The following PTK2 variants were observed in gnomAD, a reference collection of about 807,000 sequenced individuals.
The protein encoded by PTK2 is protein tyrosine kinase 2, also known as focal adhesion kinase 1.
Under a neutral mutation model 150.1 loss-of-function variants are expected in PTK2, and 45 were observed. That is an observed-to-expected ratio of 0.30 (90% CI 0.24 to 0.38). PTK2 has a LOEUF of 0.38. Among genes scored for constraint, PTK2 ranks in the 10% least tolerant of loss-of-function variants. The probability of loss-of-function intolerance (pLI) is 1.00; values close to 1 mark genes in which losing one functional copy is unlikely to be tolerated. For synonymous variants in PTK2, 432 were observed against 449.2 expected (o/e 0.96, Z 0.48); for missense variants, 919 against 1,307.3 (o/e 0.70, Z 4.58).
chr8:140,801,910 T>C (rs2100095276), intron 11 of PTK2, among the ~76,000 whole-genome samples: 1 of 152,106 alleles, frequency 6.6e-6, no homozygotes, highest in Non-Finnish European at 1.5e-5. Context: ...CATCCTGAAG[T>C]TGTAATGCTC....
chr8:140,672,227 C>T, intron 29 of PTK2: 1 of 430,558 alleles, frequency 2.3e-6, no homozygotes, highest in South Asian at 1.7e-5. Context: ...TGGGGTCTCA[C>T]TATGTTGCGC....
At chr8:140,871,226 A>T (rs139178803) in intron 4 of PTK2, among the ~76,000 whole-genome samples, 17 of 152,358 alleles carry the variant, frequency 1.1e-4, no homozygotes, top group Middle Eastern at 3.4e-3. Context: ...CTAACATTTC[A>T]AAATTTCTCC....
intron 1 of PTK2, among the ~76,000 whole-genome samples, chr8:140,953,809 G>A (rs1048585909): frequency 4.0e-5 from 6 of 151,894 alleles, no homozygotes; most frequent in African/African-American, 1.5e-4. Flanking sequence ...TTTTTGAGAT[G>A]GACTCTTGCT....
chr8:140,879,321 C>T (rs1313292486), intron 4 of PTK2, 150 bp downstream of exon 4: 7 of 770,160 alleles, frequency 9.1e-6, no homozygotes, highest in East Asian at 8.9e-5. Context: ...AGAGATCATT[C>T]GTTAATAATT....
intron 7 of PTK2, among the ~76,000 whole-genome samples, chr8:140,841,968 G>C (rs2100122619): frequency 6.6e-6 from 1 of 151,510 alleles, no homozygotes; most frequent in Admixed American, 6.6e-5. Flanking sequence ...AATGTATGTA[G>C]CATTATATAC....
chr8:140,859,900 G>A (rs898689151), intron 5 of PTK2, among the ~76,000 whole-genome samples: 3 of 152,138 alleles, frequency 2.0e-5, no homozygotes, highest in Admixed American at 2.0e-4. Flanking sequence ...CTGGAATTGC[G>A]AAGCATGTAG....
intron 2 of PTK2, among the ~76,000 whole-genome samples, chr8:140,900,663 A>AGT (rs1222467548): frequency 6.6e-6 from 1 of 152,082 alleles, no homozygotes; most frequent in Non-Finnish European, 1.5e-5. Context: ...TGGGGGATGC[A>AGT]GTGAGCCGAG....
chr8:140,758,447 A>G (rs541110803), intron 16 of PTK2, among the ~76,000 whole-genome samples: 2 of 152,278 alleles, frequency 1.3e-5, no homozygotes, highest in East Asian at 3.9e-4. Context: ...AAACAGCCTC[A>G]AGCAGGGCCT....
intron 13 of PTK2, 143 bp from the exon 14 acceptor site, chr8:140,789,669 A>T: frequency 1.4e-6 from 1 of 691,178 alleles, no homozygotes; most frequent in African/African-American, 1.8e-5. Flanking sequence ...TTCTACTATT[A>T]AAATAGCCAG....
Position 140,764,506 on chromosome 8 carries a change from C to T in PTK2, c.1178-216G>A, listed in dbSNP as rs558620545. 94 of 531,442 alleles carry T rather than the reference C, an allele frequency of 1.8e-4. No individual in the cohort carries two copies. The South Asian group carries it at 2.0e-3, about 11-fold the overall frequency. The allele number at this position is 531,442 out of a possible 1,614,324, so 32.9% of individuals were successfully genotyped here. A position where few individuals can be genotyped will look rare whatever the true frequency, so the allele number is the denominator to read the frequency against. ...CGTTATAATACACAGACTTGTTTAT[C>T]GGAGAGCAAACAGGGCTAACACAGA... On this transcript the variant is annotated intron_variant, in intron 14 of 31. Coordinates refer to ENST00000522684, the Ensembl canonical transcript of PTK2.
At chr8:140,742,427 T>C (rs1565457082) in intron 20 of PTK2, among the ~76,000 whole-genome samples, 6 of 152,264 alleles carry the variant, frequency 3.9e-5, no homozygotes. Context: ...ATAACACTTG[T>C]ATGCTTAATT....
At chr8:140,910,007 T>C (rs1374446957) in intron 2 of PTK2, among the ~76,000 whole-genome samples, 1 of 152,138 alleles carries the variant, frequency 6.6e-6, no homozygotes, top group African/African-American at 2.4e-5. Context: ...AAAAAAAATA[T>C]GGGTTTTTTT....
In PTK2 at chr8:140,803,447, C is replaced by T. The variant is rs2100096453; in HGVS notation, c.975+96G>A. The T allele has an allele frequency of 1.1e-5, 10 of 917,474 alleles. 1 individual carries two copies. The Admixed American group carries it at 2.0e-4, about 19-fold the overall frequency. 56.8% of individuals were successfully genotyped at this position (917,474 alleles called of 1,614,324 possible). A position where few individuals can be genotyped will look rare whatever the true frequency, so the allele number is the denominator to read the frequency against. ...ATAAGAAAGTTGTGATTCTGATGAT[C>T]CATAAAAACTTCATCCTTTTCATAA... On this transcript the variant is annotated intron_variant, in intron 11 of 31. Transcript: ENST00000522684.
intron 1 of PTK2, among the ~76,000 whole-genome samples, chr8:140,987,507 T>C (rs1298941766): frequency 6.6e-6 from 1 of 152,186 alleles, no homozygotes; most frequent in African/African-American, 2.4e-5. Flanking sequence ...ATAAAAGATT[T>C]AAACACAGAG....
rs572417021 is a variant in PTK2, at chr8:140,865,764, G to A, written c.363-1365C>T. Among the ~76,000 whole-genome samples the A allele has an allele frequency of 2.8e-3, 433 of 152,266 alleles. 5 individuals carry two copies. Among genetic ancestry groups the A allele is most frequent in the Non-Finnish European group, 2.4e-3 (161 of 68,018 alleles). On this transcript the variant is annotated intron_variant, in intron 4 of 31. Coordinates refer to ENST00000522684, the Ensembl canonical transcript of PTK2. ...TTTCAACTTAGGATTTACCAGGCAC[G>A]TAACTACTTTATGTGAACTATTTCT...
At chr8:140,848,761 C>T (rs1037178289) in intron 5 of PTK2, among the ~76,000 whole-genome samples, 1 of 152,072 alleles carries the variant, frequency 6.6e-6, no homozygotes, top group Non-Finnish European at 1.5e-5. Flanking sequence ...AAAATAAAGG[C>T]GCAAGAATTA....
chr8:140,878,369 G>A (rs1258935045), intron 4 of PTK2, among the ~76,000 whole-genome samples: 1 of 152,184 alleles, frequency 6.6e-6, no homozygotes, highest in African/African-American at 2.4e-5. Flanking sequence ...GGAGGCCAAG[G>A]TGGGCAGACT....
chr8:140,735,624 T>C lies in PTK2; in HGVS notation c.1826-169A>G, dbSNP rs188026239. Reference sequence around the variant, plus strand: ...CTCTAGTATAAAATAACCTAACGATTTAACATGATGTAAATAATGAAATGT... The same window carrying C: ...CTCTAGTATAAAATAACCTAACGATCTAACATGATGTAAATAATGAAATGT... On this transcript the variant is annotated intron_variant, in intron 21 of 31. Transcript: ENST00000522684. Among the ~76,000 whole-genome samples, 14 of 152,264 alleles carry C rather than the reference T, an allele frequency of 9.2e-5. No homozygotes were observed. In the East Asian group the frequency reaches 2.5e-3, roughly 27 times the overall value.
At chr8:140,806,559 T>A (rs2100098290) in intron 10 of PTK2, among the ~76,000 whole-genome samples, 1 of 152,182 alleles carries the variant, frequency 6.6e-6, no homozygotes. Flanking sequence ...ATCTAGGTTA[T>A]GGAAATTATA....
Sources: allele counts gnomAD v4.1 joint callset (sites outside exome capture counted in the v4.1 genomes callset), GRCh38; gene constraint gnomAD v4.1.1; transcripts MANE v1.5; gene names NCBI Gene and HGNC (gene_info 2026-07-23, HGNC 2026-07-21).